The following ADAMTSL1 variants were observed in gnomAD, a reference collection of about 807,000 sequenced individuals.
ADAMTSL1 encodes ADAMTS like 1.
Under a neutral mutation model 201.8 loss-of-function variants are expected in ADAMTSL1, and 126 were observed. That is an observed-to-expected ratio of 0.62 (90% CI 0.54 to 0.72). ADAMTSL1 has a LOEUF of 0.72. Among genes scored for constraint, ADAMTSL1 ranks in the 30% least tolerant of loss-of-function variants. The pLI is 0.00. For missense variants in ADAMTSL1, 2,679 were observed against 2,277.8 expected (o/e 1.18, Z -3.59); for synonymous variants, 1,121 against 903.4 (o/e 1.24, Z -4.32).
rs775649425 is a variant in ADAMTSL1 at position 18,888,268 on chromosome 9, G to A, written c.4462+225G>A. Among the ~76,000 whole-genome samples the A allele has an allele frequency of 3.1e-4, 47 of 152,286 alleles. 1 individual carries two copies. The highest frequency in any genetic ancestry group is 5.3e-4 in the Non-Finnish European group (36 of 68,016). ...AGCAGAACCTGGAAAAGCCAGTGCT[G>A]CCTTCATAAATAGGCCCTTCTGCTT... is the stretch of plus-strand genomic sequence containing the variant. On this transcript the variant is annotated intron_variant, in intron 24 of 28. Transcript: ENST00000380548.
At chr9:18,267,665 C>T (rs1435160867) in intron 2 of ADAMTSL1, among the ~76,000 whole-genome samples, 4 of 151,226 alleles carry the variant, frequency 2.6e-5, no homozygotes, top group Non-Finnish European at 5.9e-5. Context: ...ACTCAGTTCC[C>T]AACTCACCTT....
At chr9:18,025,090 T>G (rs1321475102) in intron 1 of ADAMTSL1, among the ~76,000 whole-genome samples, 1 of 152,132 alleles carries the variant, frequency 6.6e-6, no homozygotes, top group Non-Finnish European at 1.5e-5. Flanking sequence ...GTTCATTTCC[T>G]TCGCCTACTT....
chr9:18,375,260 G>A (rs1243304949), intron 2 of ADAMTSL1, among the ~76,000 whole-genome samples: 1 of 152,184 alleles, frequency 6.6e-6, no homozygotes, highest in Admixed American at 6.5e-5. Flanking sequence ...AGAGGAAAGA[G>A]CCAGTCATTG....
At chr9:18,223,546 A>T (rs1162307035) in intron 2 of ADAMTSL1, among the ~76,000 whole-genome samples, 1 of 152,002 alleles carries the variant, frequency 6.6e-6, no homozygotes, top group Non-Finnish European at 1.5e-5. Context: ...ATCTCTTTAA[A>T]TCTGACTTAT....
intron 20 of ADAMTSL1, among the ~76,000 whole-genome samples, chr9:18,797,373 T>C (rs1014877873): frequency 1.3e-5 from 2 of 152,234 alleles, no homozygotes; most frequent in Non-Finnish European, 2.9e-5. Context: ...ACACTCACAG[T>C]GTTAGGTGGT....
chr9:18,038,072 A>C (rs72697469), intron 1 of ADAMTSL1, among the ~76,000 whole-genome samples: 5,230 of 152,308 alleles, frequency 0.034, 130 homozygotes, highest in Non-Finnish European at 0.05. Flanking sequence ...GCTGGGACCA[A>C]CAAGATGCAG....
intron 1 of ADAMTSL1, among the ~76,000 whole-genome samples, chr9:17,941,278 T>C (rs1048789020): frequency 1.3e-5 from 2 of 152,132 alleles, no homozygotes; most frequent in Admixed American, 6.6e-5. Flanking sequence ...TGGAAACTTC[T>C]AATTTACCCA....
chr9:18,781,471 G>A (rs1286509758), intron 19 of ADAMTSL1, among the ~76,000 whole-genome samples: 1 of 152,190 alleles, frequency 6.6e-6, no homozygotes, highest in Non-Finnish European at 1.5e-5. Context: ...TACGGCTGGA[G>A]CTTAGTTTTC....
At chr9:18,872,361 G>A (rs1486483901) in intron 23 of ADAMTSL1, among the ~76,000 whole-genome samples, 1 of 152,100 alleles carries the variant, frequency 6.6e-6, no homozygotes, top group African/African-American at 2.4e-5. Flanking sequence ...GTAGGTTTGG[G>A]GGGAACAGGT....
intron 23 of ADAMTSL1, among the ~76,000 whole-genome samples, chr9:18,832,702 T>C (rs2131275534): frequency 6.6e-6 from 1 of 152,326 alleles, no homozygotes; most frequent in East Asian, 1.9e-4. Flanking sequence ...GCCTTGGAAT[T>C]CATTTTAATG....
intron 1 of ADAMTSL1, among the ~76,000 whole-genome samples, chr9:18,035,716 C>A (rs1311953395): frequency 6.6e-6 from 1 of 152,098 alleles, no homozygotes; most frequent in Admixed American, 6.6e-5. Context: ...TTATTATGAT[C>A]ATCGTCTGCT....
At chr9:18,754,657 G>C (rs1230760805) in intron 16 of ADAMTSL1, among the ~76,000 whole-genome samples, 2 of 152,170 alleles carry the variant, frequency 1.3e-5, no homozygotes, top group Non-Finnish European at 2.9e-5. Flanking sequence ...TAATCATTTG[G>C]CAGAGCCCCT....
intron 7 of ADAMTSL1, among the ~76,000 whole-genome samples, chr9:18,653,063 T>C (rs1828395595): frequency 6.6e-6 from 1 of 152,256 alleles, no homozygotes; most frequent in South Asian, 2.1e-4. Context: ...ATGCCCCTTT[T>C]GCTGATAGAT....
intron 1 of ADAMTSL1, among the ~76,000 whole-genome samples, chr9:18,056,227 A>C (rs933041098): frequency 2.0e-5 from 3 of 152,206 alleles, no homozygotes; most frequent in Non-Finnish European, 2.9e-5. Flanking sequence ...TTTTGGAAGA[A>C]AGAGAAAGAC....
intron 1 of ADAMTSL1, among the ~76,000 whole-genome samples, chr9:17,995,498 A>G (rs1311528221): frequency 1.3e-5 from 2 of 152,132 alleles, no homozygotes; most frequent in Non-Finnish European, 2.9e-5. Flanking sequence ...TTTTTGGCAA[A>G]AGGAAATTAG....
chr9:18,059,678 G>A (rs916835337), intron 1 of ADAMTSL1, among the ~76,000 whole-genome samples: 1 of 152,140 alleles, frequency 6.6e-6, no homozygotes, highest in Admixed American at 6.5e-5. Flanking sequence ...ACTCTTGAAT[G>A]ATTGCTCTTG....
intron 1 of ADAMTSL1, among the ~76,000 whole-genome samples, chr9:18,088,629 C>T (rs904526046): frequency 6.6e-6 from 1 of 152,150 alleles, no homozygotes; most frequent in Non-Finnish European, 1.5e-5. Context: ...TGAAAAGCTG[C>T]TCAGTGTCGG....
intron 16 of ADAMTSL1, among the ~76,000 whole-genome samples, chr9:18,764,776 C>A (rs1323906912): frequency 6.6e-6 from 1 of 152,174 alleles, no homozygotes; most frequent in Non-Finnish European, 1.5e-5. Flanking sequence ...ATCTTCTTAC[C>A]ATTGATAATA....
At chr9:18,623,407 A>G (rs1479347201) in intron 5 of ADAMTSL1, among the ~76,000 whole-genome samples, 2 of 152,220 alleles carry the variant, frequency 1.3e-5, no homozygotes, top group African/African-American at 4.8e-5. Context: ...GCACAGAGTC[A>G]CACAGTTGTA....
Sources: allele counts gnomAD v4.1 joint callset (sites outside exome capture counted in the v4.1 genomes callset), GRCh38; gene constraint gnomAD v4.1.1; transcripts MANE v1.5; gene names NCBI Gene and HGNC (gene_info 2026-07-23, HGNC 2026-07-21).